The following ABCC4 variants were observed in gnomAD, a reference collection of about 807,000 sequenced individuals.
ABCC4 encodes the protein ATP binding cassette subfamily C member 4 (PEL blood group).
A neutral mutation model predicts 168.5 loss-of-function variants in ABCC4; 102 were observed. That is an observed-to-expected ratio of 0.61 (90% CI 0.52 to 0.71). ABCC4 has a LOEUF of 0.71. ABCC4 is among the 30% of genes least tolerant of loss of function. The probability of loss-of-function intolerance (pLI) is 0.00; values close to 1 mark genes in which losing one functional copy is unlikely to be tolerated. For missense variants in ABCC4, 1,402 were observed against 1,605.8 expected, an observed-to-expected ratio of 0.87 and a Z score of 2.17; for synonymous variants, 617 against 590.7, an observed-to-expected ratio of 1.04 and a Z score of -0.65.
At chr13:95,115,323 A>G (rs1368233588) in intron 20 of ABCC4, among the ~76,000 whole-genome samples, 1 of 151,942 alleles carries the variant, frequency 6.6e-6, no homozygotes, top group Non-Finnish European at 1.5e-5. Context: ...AACGTGTGAA[A>G]ACAAAAAAGA....
intron 19 of ABCC4, among the ~76,000 whole-genome samples, chr13:95,117,462 G>A (rs1216657716): frequency 6.6e-6 from 1 of 152,108 alleles, no homozygotes; most frequent in Non-Finnish European, 1.5e-5. Flanking sequence ...GCTTCCGGGG[G>A]CCCTTCTGCT....
intron 1 of ABCC4, among the ~76,000 whole-genome samples, chr13:95,272,692 A>T (rs2040874705): frequency 6.6e-6 from 1 of 152,054 alleles, no homozygotes; most frequent in Non-Finnish European, 1.5e-5. Context: ...GTTTGAGACC[A>T]GCCTGGCCAA....
At chr13:95,171,395 CA>C (rs11350759) in intron 13 of ABCC4, among the ~76,000 whole-genome samples, 119,543 of 148,098 alleles carry the variant, frequency 0.81, 48,441 homozygotes, top group African/African-American at 0.91. Context: ...CTGGGAGCTA[CA>C]AAAAAAAAAA....
At chr13:95,123,352 G>A (rs1373243509) in intron 19 of ABCC4, among the ~76,000 whole-genome samples, 1 of 152,010 alleles carries the variant, frequency 6.6e-6, no homozygotes, top group Non-Finnish European at 1.5e-5. Flanking sequence ...GTTTGATGTC[G>A]CTCTGGAGTG....
chr13:95,252,865 T>C (rs917283038), intron 1 of ABCC4, among the ~76,000 whole-genome samples: 2 of 152,192 alleles, frequency 1.3e-5, no homozygotes, highest in African/African-American at 4.8e-5. Flanking sequence ...GGACTTTAAC[T>C]AGATGACCTT....
chr13:95,157,087 ACCACAC>A (rs1566472915), intron 19 of ABCC4, among the ~76,000 whole-genome samples: 3 of 87,680 alleles, frequency 3.4e-5, no homozygotes, highest in African/African-American at 2.1e-4. Context: ...GTGAGACTCT[ACCACAC>A]ACACACACAC....
intron 3 of ABCC4, among the ~76,000 whole-genome samples, chr13:95,243,179 C>A (rs961686058): frequency 2.6e-5 from 4 of 152,150 alleles, no homozygotes; most frequent in Non-Finnish European, 5.9e-5. Context: ...TCCATCTTAA[C>A]ACCTTAGCCT....
intron 4 of ABCC4, among the ~76,000 whole-genome samples, chr13:95,224,284 G>A (rs755606119): frequency 6.0e-4 from 91 of 151,896 alleles, no homozygotes; most frequent in Non-Finnish European, 8.5e-4. Context: ...AAGAATGAAG[G>A]CCAGTTGACA....
chr13:95,078,122 C>T (rs2033970884), intron 21 of ABCC4, among the ~76,000 whole-genome samples: 1 of 152,172 alleles, frequency 6.6e-6, no homozygotes, highest in African/African-American at 2.4e-5. Flanking sequence ...CCAGACCTTC[C>T]CTGAGCATAG....
At chr13:95,044,118 C>CT (rs955778735) in intron 28 of ABCC4, 148 bp downstream of exon 28, 3,018 of 897,746 alleles carry the variant, frequency 3.4e-3, no homozygotes, top group Middle Eastern at 4.7e-3. Context: ...TGGGTTTCTT[C>CT]TTTTTTTTTC....
At chr13:95,286,123 C>CTTTTTTTTTTTTTTTTTTTTTTTTTTT (rs773328777) in intron 1 of ABCC4, among the ~76,000 whole-genome samples, 2 of 105,522 alleles carry the variant, frequency 1.9e-5, no homozygotes, top group South Asian at 3.8e-4. Flanking sequence ...TCCAGAAAAA[C>CTTTTTTTTTTTTTTTTTTTTTTTTTTT]TTTTTTTTTT....
At chr13:95,231,432 G>A (rs532163684) in intron 4 of ABCC4, among the ~76,000 whole-genome samples, 2 of 152,168 alleles carry the variant, frequency 1.3e-5, no homozygotes, top group Non-Finnish European at 1.5e-5. Context: ...TGTCGACGAC[G>A]GGCTCGGCAG....
At position 95,071,781 on chromosome 13, in the gene ABCC4, G is replaced by A. The variant is rs904451385; in HGVS notation, c.3091C>T (p.Pro1031Ser). 5.0e-6 allele frequency: 8 copies of A among 1,607,988 alleles called. No homozygotes were observed. In the African/African-American group the frequency reaches 1.1e-4, roughly 22 times the overall value. Reference protein sequence around the residue: ...KEAPWEYQKRPPPAWPHEGVI... With the variant: ...KEAPWEYQKRSPPAWPHEGVI... ...CCTTCATGGGGCCAGGCTGGTGGTG[G>A]GCGTTTCTGATATTCCCAAGGTGCT... The change falls in exon 25 of 31, where the codon CCA (proline) becomes TCA (serine). Residue 1031 changes from proline to serine, a missense_variant. Pro to Ser is a moderately conservative substitution (Grantham distance 74). Around this residue, in one of 3 missense-constraint regions of ABCC4, gnomAD observed 1,007 missense variants for 1,127.3 expected, o/e 0.89. Transcript: ENST00000645237.
intron 26 of ABCC4, among the ~76,000 whole-genome samples, chr13:95,057,787 A>G (rs1260911717): frequency 6.6e-6 from 1 of 152,214 alleles, no homozygotes; most frequent in Non-Finnish European, 1.5e-5. Context: ...TTGCCCAAAC[A>G]TGGCCATTCG....
intron 27 of ABCC4, among the ~76,000 whole-genome samples, chr13:95,052,261 A>T (rs2032875445): frequency 6.6e-6 from 1 of 152,190 alleles, no homozygotes; most frequent in African/African-American, 2.4e-5. Context: ...GATTACAGGC[A>T]TCAACCGCTG....
At chr13:95,095,877 C>A in intron 20 of ABCC4, 1 of 337,062 alleles carries the variant, frequency 3.0e-6, no homozygotes, top group Non-Finnish European at 5.3e-6. Context: ...AAGAATTCTA[C>A]AAATCAGTAA....
At chr13:95,193,206 G>A (rs2038312171) in intron 9 of ABCC4, among the ~76,000 whole-genome samples, 3 of 152,242 alleles carry the variant, frequency 2.0e-5, no homozygotes, top group Non-Finnish European at 2.9e-5. Flanking sequence ...AGGCAGTGGG[G>A]CTGGGCAGGA....
intron 18 of ABCC4, 104 bp from the exon 19 acceptor site, chr13:95,161,439 T>G (rs2037097274): frequency 3.4e-6 from 3 of 883,706 alleles, no homozygotes; most frequent in South Asian, 5.3e-5. Flanking sequence ...ACTTAATTTA[T>G]TCCATAAAGC....
intron 20 of ABCC4, among the ~76,000 whole-genome samples, chr13:95,097,033 A>G (rs1022403545): frequency 5.3e-5 from 8 of 152,202 alleles, no homozygotes; most frequent in African/African-American, 1.9e-4. Flanking sequence ...AGTAAACAAT[A>G]TGACAACATA....
Sources: allele counts gnomAD v4.1 joint callset (sites outside exome capture counted in the v4.1 genomes callset), GRCh38; gene constraint gnomAD v4.1.1; regional missense constraint gnomAD v4.1.1; transcripts MANE v1.5; gene names NCBI Gene and HGNC (gene_info 2026-07-23, HGNC 2026-07-21).